Variants in CEP76 observed in about 807,000 individuals in gnomAD.
CEP76 encodes the protein centrosomal protein 76.
A neutral mutation model predicts 83.3 loss-of-function variants in CEP76; 55 were observed. That is an observed-to-expected ratio of 0.66 (90% confidence interval 0.53 to 0.83). The LOEUF (loss-of-function observed/expected upper bound fraction) is 0.83. Ranked by LOEUF, CEP76 falls within the 40% of genes least tolerant of loss-of-function variation. The pLI, the probability that CEP76 is intolerant of heterozygous loss-of-function variation, is 0.00. For missense variants in CEP76, 694 were observed against 799.5 expected (o/e 0.87, Z 1.59); for synonymous variants, 270 against 274.5 (o/e 0.98, Z 0.16).
intron 9 of CEP76, among the ~76,000 whole-genome samples, chr18:12,679,996 C>T (rs982765657): frequency 1.3e-5 from 2 of 149,232 alleles, no homozygotes; most frequent in Non-Finnish European, 1.5e-5. Context: ...GGGGAGGCTG[C>T]AGTGGGCTGT....
intron 2 of CEP76, chr18:12,700,135 A>G: frequency 3.0e-6 from 1 of 328,638 alleles, no homozygotes; most frequent in Non-Finnish European, 5.5e-6. Flanking sequence ...ACTGTCTTCA[A>G]GTAATACTAT....
Position 12,678,100 on chromosome 18 carries a change from G to A in CEP76, c.1623+9C>T, listed in dbSNP as rs746207911. ...AGTATGAAACTACAACTATTTCAGTGTGAATTACCTTCCTGTGTTCTGACA... is the reference window on the plus strand; with the variant it reads ...AGTATGAAACTACAACTATTTCAGTATGAATTACCTTCCTGTGTTCTGACA... On this transcript the variant is annotated intron_variant, in intron 10 of 11. Transcript: ENST00000262127. The A allele has an allele frequency of 2.5e-6, 4 of 1,596,712 alleles. No individual in the cohort carries two copies.
intron 6 of CEP76, among the ~76,000 whole-genome samples, chr18:12,693,719 G>A (rs922521827): frequency 4.6e-5 from 7 of 152,076 alleles, no homozygotes; most frequent in Non-Finnish European, 7.4e-5. Flanking sequence ...GCAGGCAGAC[G>A]TTGCAGTGAG....
At chr18:12,700,057 G>T in intron 2 of CEP76, 152 bp from the exon 3 acceptor site, 2 of 441,958 alleles carry the variant, frequency 4.5e-6, no homozygotes, top group Non-Finnish European at 4.0e-6. Context: ...TTAAAATAAT[G>T]AAAATAAAAG....
intron 7 of CEP76, among the ~76,000 whole-genome samples, chr18:12,687,983 C>T (rs2039603368): frequency 6.6e-6 from 1 of 151,930 alleles, no homozygotes; most frequent in South Asian, 2.1e-4. Flanking sequence ...GTGGCTCACG[C>T]CTGTAATCCC....
At chr18:12,696,401 G>A (rs1004170990) in intron 5 of CEP76, among the ~76,000 whole-genome samples, 7 of 152,038 alleles carry the variant, frequency 4.6e-5, no homozygotes, top group African/African-American at 1.7e-4. Flanking sequence ...TACTTAGCAG[G>A]CTGAGCCAGT....
intron 12 of CEP76, among the ~76,000 whole-genome samples, chr18:12,664,605 A>G (rs767731048): frequency 3.3e-5 from 5 of 151,758 alleles, no homozygotes; most frequent in Non-Finnish European, 7.4e-5. Flanking sequence ...AGCTGGTCTC[A>G]AATTCCTGGG....
At chr18:12,695,469 A>T (rs1046759668) in intron 5 of CEP76, 118 bp from the exon 6 acceptor site, 8 of 484,180 alleles carry the variant, frequency 1.7e-5, no homozygotes, top group Non-Finnish European at 3.0e-5. Context: ...TGGAATAAAG[A>T]TAACATTCAA....
At chr18:12,691,997 C>T (rs190810739) in intron 6 of CEP76, among the ~76,000 whole-genome samples, 3 of 152,022 alleles carry the variant, frequency 2.0e-5, no homozygotes, top group East Asian at 1.9e-4. Context: ...GGGATTACCG[C>T]GCCTGGCCCA....
exon 13 of CEP76, chr18:12,661,999 C>T (rs1181795803): frequency 2.9e-5 from 7 of 243,818 alleles, no homozygotes; most frequent in East Asian, 2.2e-4. Flanking sequence ...AAATTGAATC[C>T]TTGACTTTTT....
At chr18:12,682,088 G>A (rs939786851) in intron 8 of CEP76, among the ~76,000 whole-genome samples, 3 of 152,056 alleles carry the variant, frequency 2.0e-5, no homozygotes, top group African/African-American at 7.2e-5. Context: ...TTACAATTTC[G>A]TATTTAAGTG....
At chr18:12,666,154 A>C (rs1216706232) in intron 12 of CEP76, among the ~76,000 whole-genome samples, 27 of 32,840 alleles carry the variant, frequency 8.2e-4, no homozygotes, top group Admixed American at 8.0e-3. Flanking sequence ...TCATCTCTAC[A>C]AAAAAAAAAA....
intron 3 of CEP76, 105 bp downstream of exon 3, chr18:12,699,725 A>G: frequency 1.5e-6 from 1 of 656,606 alleles, no homozygotes; most frequent in Non-Finnish European, 2.5e-6. Flanking sequence ...TAAGTATTTT[A>G]TTTTGGGGGG....
intron 9 of CEP76, among the ~76,000 whole-genome samples, chr18:12,680,133 T>C (rs2039293913): frequency 6.6e-6 from 1 of 151,758 alleles, no homozygotes; most frequent in Non-Finnish European, 1.5e-5. Flanking sequence ...TTTACCAACA[T>C]CATGTTGGTA....
downstream of CEP76, among the ~76,000 whole-genome samples, chr18:12,672,083 G>A (rs929246147): frequency 6.6e-6 from 1 of 150,738 alleles, no homozygotes; most frequent in African/African-American, 2.4e-5. Context: ...CTCCCAAAGT[G>A]CTGGCATTAC....
In CEP76 at chr18:12,699,101, C is replaced by T. The variant is rs199598581; in HGVS notation, c.398G>A (p.Cys133Tyr). The change falls in exon 4 of 12, where the codon TGT (cysteine) becomes TAT (tyrosine). Residue 133 changes from cysteine to tyrosine, a missense_variant. Cys to Tyr is a radical substitution (Grantham distance 194, BLOSUM62 -2). Transcript: ENST00000262127. Reference protein sequence around the residue: ...QEPEPLPGQVCSTFTLCLHYR... With the variant: ...QEPEPLPGQVYSTFTLCLHYR... ...ATGTAAACATAAAGTAAACGTTGAA[C>T]AAACTTGTCCAGGTAAAGGCTCAGG... 130 of 1,613,912 alleles carry T rather than the reference C, an allele frequency of 8.1e-5. No homozygotes were observed. The highest frequency in any genetic ancestry group is 4.3e-4 in the South Asian group (39 of 91,084).
chr18:12,673,439 G>A lies in CEP76; in HGVS notation c.1906C>T (p.Arg636Ter), dbSNP rs768282968. 5.0e-6 allele frequency: 8 copies of A among 1,596,392 alleles called. No homozygotes were observed. Among genetic ancestry groups the A allele is most frequent in the East Asian group, 2.3e-5 (1 of 43,836 alleles). ...GCAGATTCAGGGTAAGTAAATACTC[G>A]GACACGAACTGCCAGTCGCACTTGG... ...GDQVRLAVRV[R>*]VFTYPESACA... Residue 636 changes from arginine (R) to a stop codon, truncating the protein, a stop_gained, in exon 12 of 12, where the codon CGA (arginine) becomes TGA (stop). Coordinates refer to ENST00000262127, the MANE Select transcript of CEP76 (RefSeq NM_024899.4). LOFTEE classifies it high-confidence loss of function.
Position 12,683,756 on chromosome 18 carries a change from A to G in CEP76, c.1122+2506T>C, listed in dbSNP as rs550092500. Among the ~76,000 whole-genome samples, 6 of 148,328 alleles carry G rather than the reference A, an allele frequency of 4.0e-5. No individual in the cohort carries two copies. The Admixed American group carries it at 4.1e-4, about 10-fold the overall frequency. On this transcript the variant is annotated intron_variant, in intron 8 of 11. Coordinates refer to ENST00000262127, the MANE Select transcript of CEP76 (RefSeq NM_024899.4). ...ACAAGAGGAAAACTCTGTCTCATTTAAAAAAAAAAGGAAATCAGAAAGACT... is the reference window on the plus strand; with the variant it reads ...ACAAGAGGAAAACTCTGTCTCATTTGAAAAAAAAAGGAAATCAGAAAGACT...
At chr18:12,662,792 A>T (rs901605561) in intron 12 of CEP76, among the ~76,000 whole-genome samples, 8 of 151,830 alleles carry the variant, frequency 5.3e-5, no homozygotes, top group Non-Finnish European at 7.4e-5. Flanking sequence ...AAAGAAAAAC[A>T]TTTTTTTTGA....
Sources: gnomAD v4.1 joint callset for allele counts (sites outside exome capture counted in the v4.1 genomes callset) on GRCh38, gnomAD v4.1.1 for gene constraint, MANE v1.5 for transcripts, NCBI Gene and HGNC (gene_info 2026-07-23, HGNC 2026-07-21) for gene names.